SEZ6L: variants seen among roughly 807,000 people sequenced by gnomAD.
The protein encoded by SEZ6L is seizure 6-like protein.
SEZ6L carries 37 observed loss-of-function variants against 106.2 expected under a neutral mutation model. The ratio of observed to expected loss-of-function variants is 0.35; its 90% CI spans 0.27 to 0.46. SEZ6L has a LOEUF of 0.46. Among genes scored for constraint, SEZ6L ranks in the 20% least tolerant of loss-of-function variants. The pLI is 1.00. For synonymous variants in SEZ6L, 541 were observed against 570.4 expected (o/e 0.95, Z 0.73); for missense variants, 1,172 against 1,332.8 (o/e 0.88, Z 1.88).
rs1384376486 is a variant in SEZ6L at position 26,380,576 on chromosome 22, AAC to A, written c.*285_*286del. Reference sequence around the variant, plus strand: ...CAAAATGGCAAACCGCGGCAGCAAAAACACAAAACAGCAGATGGAGTTTCTCC... The same window carrying A: ...CAAAATGGCAAACCGCGGCAGCAAAAACAAAACAGCAGATGGAGTTTCTCC... On this transcript the variant is annotated 3_prime_UTR_variant, in exon 17 of 17. Transcript: ENST00000248933. The A allele has an allele frequency of 2.7e-6, 1 of 371,056 alleles. No homozygotes were observed. The highest frequency in any genetic ancestry group is 4.9e-6 in the Non-Finnish European group (1 of 202,790). The allele number at this position is 371,056 out of a possible 1,614,324, so 23.0% of individuals were successfully genotyped here. A position where few individuals can be genotyped will look rare whatever the true frequency, so the allele number is the denominator to read the frequency against.
rs115384242 is a variant in SEZ6L, at chr22:26,353,675, G to A, written c.2599+2432G>A. Reference sequence around the variant, plus strand: ...AACTGCGACCTTGATTGGACATAGCGTCTTCGCCATCCTAACCCATGGTAT... The same window carrying A: ...AACTGCGACCTTGATTGGACATAGCATCTTCGCCATCCTAACCCATGGTAT... On this transcript the variant is annotated intron_variant, in intron 12 of 16. Coordinates refer to ENST00000248933, the MANE Select transcript of SEZ6L (RefSeq NM_021115.5). Among the ~76,000 whole-genome samples, 431 of 152,308 alleles carry A rather than the reference G, an allele frequency of 2.8e-3. 4 individuals are homozygous for A. The highest frequency in any genetic ancestry group is 0.017 in the Middle Eastern group (5 of 294).
intron 9 of SEZ6L, among the ~76,000 whole-genome samples, chr22:26,323,741 G>C (rs2082221030): frequency 6.6e-6 from 1 of 152,096 alleles, no homozygotes; most frequent in African/African-American, 2.4e-5. Flanking sequence ...CTATATCCCA[G>C]ACTTTATGCT....
intron 8 of SEZ6L, 91 bp from the exon 9 acceptor site, chr22:26,313,673 G>C (rs1406169894): frequency 1.3e-6 from 2 of 1,492,380 alleles, no homozygotes; most frequent in Non-Finnish European, 1.8e-6. Flanking sequence ...ATTCACGGCT[G>C]TCTGACTTCA....
At chr22:26,292,349 G>A in intron 1 of SEZ6L, 57 bp from the exon 2 acceptor site, 2 of 1,389,668 alleles carry the variant, frequency 1.4e-6, no homozygotes, top group Non-Finnish European at 2.0e-6. Context: ...GAGTCTGACA[G>A]CAGGTGAAGG....
At chr22:26,209,936 A>C in intron 1 of SEZ6L, among the ~76,000 whole-genome samples, 1 of 85,972 alleles carries the variant, frequency 1.2e-5, no homozygotes, top group African/African-American at 4.8e-5. Flanking sequence ...ATATGCATGA[A>C]TGGATGGCAA....
chr22:26,245,470 C>T (rs2079304300), intron 1 of SEZ6L, among the ~76,000 whole-genome samples: 1 of 152,166 alleles, frequency 6.6e-6, no homozygotes, highest in East Asian at 1.9e-4. Flanking sequence ...GCCCACCCTT[C>T]CCCATTTGGC....
intron 1 of SEZ6L, among the ~76,000 whole-genome samples, chr22:26,285,994 T>A (rs1255803920): frequency 6.6e-6 from 1 of 152,140 alleles, no homozygotes; most frequent in Non-Finnish European, 1.5e-5. Context: ...TTCAGTTTTG[T>A]CCCCAGTGGG....
intron 1 of SEZ6L, among the ~76,000 whole-genome samples, chr22:26,291,403 A>C (rs1029451885): frequency 1.3e-5 from 2 of 152,080 alleles, no homozygotes; most frequent in Non-Finnish European, 2.9e-5. Context: ...GAACACATGG[A>C]CACAGGGAGG....
Position 26,220,917 on chromosome 22 carries a change from A to ATGGATGGATGGATGGG in SEZ6L, c.94+51165_94+51166insATGGGTGGATGGATGG, listed in dbSNP as rs1569393399. 1.3e-4 allele frequency among the ~76,000 whole-genome samples: 20 copies of ATGGATGGATGGATGGG among 151,776 alleles called. No homozygotes were observed. The South Asian group carries it at 3.0e-3, about 22-fold the overall frequency. On this transcript the variant is annotated intron_variant, in intron 1 of 16. Coordinates refer to ENST00000248933, the MANE Select transcript of SEZ6L (RefSeq NM_021115.5). ...AATGGATGGATGGATGGATGGATGG[A>ATGGATGGATGGATGGG]TGGATGGATGGGTGGATGGATGGAT...
rs1568944007 is a variant in SEZ6L at position 26,361,523 on chromosome 22, ATAT to A, written c.2600-3848_2600-3846del. Among the ~76,000 whole-genome samples the A allele has an allele frequency of 1.5e-4, 14 of 96,546 alleles. No homozygotes were observed. In the East Asian group the frequency reaches 1.9e-3, roughly 13 times the overall value. The allele number at this position is 96,546 out of a possible 152,430, so 63.3% of individuals were successfully genotyped here. Reference sequence around the variant, plus strand: ...CTCTGTCTCAAAAAAAAAAAAAAATATATATATATATATATGTATTAAGTGAAC... The same window carrying A: ...CTCTGTCTCAAAAAAAAAAAAAAATAATATATATATATGTATTAAGTGAAC... On this transcript the variant is annotated intron_variant, in intron 12 of 16. Coordinates refer to ENST00000248933, the MANE Select transcript of SEZ6L (RefSeq NM_021115.5).
chr22:26,365,453 G>A lies in SEZ6L; in HGVS notation c.2681G>A (p.Gly894Glu). ...QILYKRLYLP[G>E]ESLTFMCYEG... Reference sequence around the variant, plus strand: ...CTGTACAAGCGACTCTACCTGCCAGGAGAGTCCCTCACCTTCATGTGCTAC... The same window carrying A: ...CTGTACAAGCGACTCTACCTGCCAGAAGAGTCCCTCACCTTCATGTGCTAC... The change falls in exon 13 of 17, where the codon GGA becomes GAA. Residue 894 changes from glycine (G) to glutamate (E), a missense_variant. Around this residue, in one of 4 missense-constraint regions of SEZ6L, gnomAD observed 141 missense variants for 176.0 expected, o/e 0.80. Coordinates refer to ENST00000248933, the MANE Select transcript of SEZ6L (RefSeq NM_021115.5). The A allele has an allele frequency of 1.9e-6, 3 of 1,614,146 alleles. No homozygotes were observed. The highest frequency in any genetic ancestry group is 2.5e-6 in the Non-Finnish European group (3 of 1,180,002).
At chr22:26,366,839 G>A (rs1236376315) in intron 13 of SEZ6L, among the ~76,000 whole-genome samples, 3 of 152,264 alleles carry the variant, frequency 2.0e-5, no homozygotes, top group East Asian at 3.9e-4. Flanking sequence ...TGTAGAGACA[G>A]GGTCTTGCTA....
intron 5 of SEZ6L, among the ~76,000 whole-genome samples, chr22:26,300,063 C>T (rs1258096260): frequency 6.6e-6 from 1 of 152,168 alleles, no homozygotes; most frequent in Admixed American, 6.5e-5. Context: ...GTTTCCATTT[C>T]CCTGATGATT....
Position 26,289,095 on chromosome 22 carries a change from T to C in SEZ6L, c.95-3311T>C, listed in dbSNP as rs147425428. 4.3e-3 allele frequency among the ~76,000 whole-genome samples: 657 copies of C among 152,296 alleles called. 3 individuals carry two copies. Among genetic ancestry groups the C allele is most frequent in the African/African-American group, 0.015 (627 of 41,552 alleles). The stretch of plus-strand genomic sequence containing the variant: ...GCAGTCTGGCTGCCCATTTGACACA[T>C]AGAGAAGATGCAGAGAAGAGGAGAC... On this transcript the variant is annotated intron_variant, in intron 1 of 16. Transcript: ENST00000248933.
chr22:26,177,205 A>G (rs1939072632), intron 1 of SEZ6L, among the ~76,000 whole-genome samples: 1 of 152,178 alleles, frequency 6.6e-6, no homozygotes, highest in African/African-American at 2.4e-5. Context: ...TATCTGAAAA[A>G]TGGGAATAAT....
chr22:26,377,792 C>T lies in SEZ6L; in HGVS notation c.3045+17C>T, dbSNP rs114343853. 26 of 1,534,770 alleles carry T rather than the reference C, an allele frequency of 1.7e-5. 1 individual carries two copies. The Admixed American group carries it at 2.0e-4, about 12-fold the overall frequency. On this transcript the variant is annotated intron_variant, in intron 16 of 16. Coordinates refer to ENST00000248933, the MANE Select transcript of SEZ6L (RefSeq NM_021115.5). ...GAGACAGGGGTGAGTTGGTCTCTCT[C>T]GTCTCTTCCCAATTCCCTCCCTCTT...
At chr22:26,356,839 C>G (rs1223539869) in intron 12 of SEZ6L, among the ~76,000 whole-genome samples, 1 of 152,036 alleles carries the variant, frequency 6.6e-6, no homozygotes, top group Non-Finnish European at 1.5e-5. Flanking sequence ...AAAAATCCAG[C>G]TTTGCAATGA....
intron 1 of SEZ6L, among the ~76,000 whole-genome samples, chr22:26,279,008 G>GGAA (rs368413890): frequency 8.5e-6 from 1 of 117,372 alleles, no homozygotes; most frequent in East Asian, 2.1e-4. Context: ...AAGGAAGGAA[G>GGAA]GGAAGGAAGG....
At chr22:26,231,007 G>A (rs764368545) in intron 1 of SEZ6L, among the ~76,000 whole-genome samples, 1 of 152,174 alleles carries the variant, frequency 6.6e-6, no homozygotes, top group East Asian at 1.9e-4. Context: ...TAGCCCAGGA[G>A]GGTTCTTGGC....
Sources: allele counts gnomAD v4.1 joint callset (sites outside exome capture counted in the v4.1 genomes callset), GRCh38; gene constraint gnomAD v4.1.1; regional missense constraint gnomAD v4.1.1; transcripts MANE v1.5; gene names NCBI Gene and HGNC (gene_info 2026-07-23, HGNC 2026-07-21).